ITGB7: variants seen among roughly 807,000 people sequenced by gnomAD.
The protein encoded by ITGB7 is integrin subunit beta 7.
In ITGB7, 55 loss-of-function variants were observed where a neutral mutation model predicts 83.4. The ratio of observed to expected loss-of-function variants is 0.66; its 90% CI spans 0.53 to 0.83. ITGB7 has a LOEUF of 0.83. Ranked by LOEUF, ITGB7 falls within the 40% of genes least tolerant of loss-of-function variation. ITGB7 has a pLI of 0.00. For synonymous variants in ITGB7, 454 were observed against 423.6 expected (o/e 1.07, Z -0.88); for missense variants, 921 against 1,046.7 (o/e 0.88, Z 1.66).
At chr12:53,204,150 C>T (rs1385893529) in intron 1 of ITGB7, among the ~76,000 whole-genome samples, 2 of 151,896 alleles carry the variant, frequency 1.3e-5, no homozygotes, top group Non-Finnish European at 2.9e-5. Flanking sequence ...GAGGCCGAGG[C>T]GGGTGGATCA....
Position 53,200,267 on chromosome 12 carries a change from G to C in ITGB7, c.177C>G (p.Pro59=). 6.2e-7 allele frequency: 1 copy of C among 1,614,052 alleles called. No individual in the cohort carries two copies. The highest frequency in any genetic ancestry group is 1.1e-5 in the South Asian group (1 of 91,086). The change falls in exon 3 of 16, where the codon CCC becomes CCG. Residue 59 remains proline (P), a synonymous_variant. Coordinates refer to ENST00000267082, the MANE Select transcript of ITGB7 (RefSeq NM_000889.3). ...PSCQKCILSH[P]SCAWCKQLNF... ...CCAGTTGCTTGCACCATGCACAGCTGGGGTGTGAGAGGATGCACTTCTGGC... is the reference window on the plus strand; with the variant it reads ...CCAGTTGCTTGCACCATGCACAGCTCGGGTGTGAGAGGATGCACTTCTGGC...
rs930249294 is a variant in ITGB7 at position 53,191,351 on chromosome 12, G to C, written c.*205C>G. 4 of 590,154 alleles carry C rather than the reference G, an allele frequency of 6.8e-6. No individual in the cohort carries two copies. In the African/African-American group the frequency reaches 7.4e-5, roughly 11 times the overall value. The allele number at this position is 590,154 out of a possible 1,614,324, so 36.6% of individuals were successfully genotyped here. A position where few individuals can be genotyped will look rare whatever the true frequency, so the allele number is the denominator to read the frequency against. On this transcript the variant is annotated 3_prime_UTR_variant, in exon 16 of 16. Coordinates refer to ENST00000267082, the MANE Select transcript of ITGB7 (RefSeq NM_000889.3). Reference sequence around the variant, plus strand: ...GAGGTAAGACTTTATTGTATACTTGGGTGGGGTAGCCCAGATGGATGCAAG... The same window carrying C: ...GAGGTAAGACTTTATTGTATACTTGCGTGGGGTAGCCCAGATGGATGCAAG...
intron 5 of ITGB7, 91 bp from the exon 6 acceptor site, chr12:53,196,911 A>T: frequency 6.8e-7 from 1 of 1,469,136 alleles, no homozygotes; most frequent in Non-Finnish European, 9.2e-7. Context: ...TGGGGTGGGG[A>T]GGACGGTGAT....
chr12:53,206,019 C>T (rs1004286759), intron 1 of ITGB7, among the ~76,000 whole-genome samples: 1 of 152,180 alleles, frequency 6.6e-6, no homozygotes, highest in Non-Finnish European at 1.5e-5. Flanking sequence ...ACAAGTGGAG[C>T]CCCGGCTGCC....
chr12:53,206,335 TTTTTA>T (rs1412236969), intron 1 of ITGB7, among the ~76,000 whole-genome samples: 52 of 152,280 alleles, frequency 3.4e-4, no homozygotes, highest in African/African-American at 1.1e-3. Flanking sequence ...CATCCCACTC[TTTTTA>T]CAAATGGAAA....
intron 5 of ITGB7, 43 bp from the exon 6 acceptor site, chr12:53,196,863 G>A: frequency 1.3e-6 from 2 of 1,564,358 alleles, no homozygotes; most frequent in South Asian, 2.4e-5. Flanking sequence ...AAGTCGCAGG[G>A]CAGCAACAGA....
intron 11 of ITGB7, 131 bp downstream of exon 11, chr12:53,193,577 G>T: frequency 1.1e-6 from 1 of 871,892 alleles, no homozygotes. Flanking sequence ...AGCTTCAAGG[G>T]ATGAAACTGA....
Position 53,191,822 on chromosome 12 carries a change from A to G in ITGB7, c.2316+37T>C, listed in dbSNP as rs774732750. The G allele has an allele frequency of 1.9e-6, 3 of 1,612,152 alleles. No homozygotes were observed. In the African/African-American group the frequency reaches 4.0e-5, roughly 22 times the overall value. The stretch of plus-strand genomic sequence containing the variant: ...TCAGGGCTGGTCTTGTGGTGGGGGA[A>G]CAGCTAAAAAGGGGCCTAACCAGGA... On this transcript the variant is annotated intron_variant, in intron 15 of 15. Coordinates refer to ENST00000267082, the MANE Select transcript of ITGB7 (RefSeq NM_000889.3).
At chr12:53,198,369 C>T (rs1942238748) in intron 3 of ITGB7, among the ~76,000 whole-genome samples, 1 of 152,030 alleles carries the variant, frequency 6.6e-6, no homozygotes, top group African/African-American at 2.4e-5. Context: ...TCAAGTGCGC[C>T]CACCTCAGCC....
chr12:53,200,136 A>C (rs1942289081), intron 3 of ITGB7, 107 bp downstream of exon 3: 2 of 988,136 alleles, frequency 2.0e-6, no homozygotes, highest in Non-Finnish European at 3.0e-6. Context: ...GTTCCCAGAA[A>C]ATCATACATG....
intron 1 of ITGB7, among the ~76,000 whole-genome samples, chr12:53,202,782 G>A (rs1325640388): frequency 6.6e-6 from 1 of 152,044 alleles, no homozygotes; most frequent in African/African-American, 2.4e-5. Context: ...CTAACATAGT[G>A]AAACCCCGTC....
At chr12:53,191,734 G>A (rs761820105) in intron 15 of ITGB7, 98 bp from the exon 16 acceptor site, 2 of 1,517,176 alleles carry the variant, frequency 1.3e-6, no homozygotes, top group South Asian at 1.1e-5. Context: ...CCTAGGAGCT[G>A]ATGGAAGTTA....
chr12:53,205,083 C>T (rs1320795148), intron 1 of ITGB7, among the ~76,000 whole-genome samples: 2 of 152,052 alleles, frequency 1.3e-5, no homozygotes, highest in African/African-American at 4.8e-5. Flanking sequence ...CCTCGGCCTC[C>T]CAAAGTGCTG....
intron 1 of ITGB7, 64 bp from the exon 2 acceptor site, chr12:53,201,258 C>G (rs1942316284): frequency 6.6e-6 from 1 of 152,106 alleles, no homozygotes; most frequent in South Asian, 2.1e-4. Context: ...ATCTTGGATT[C>G]TAAATAAGAG....
chr12:53,194,680 A>G (rs1191645658), intron 9 of ITGB7: 2 of 238,518 alleles, frequency 8.4e-6, no homozygotes, highest in African/African-American at 4.4e-5. Flanking sequence ...TGCCAGGTCT[A>G]AAGGGCAGAT....
intron 5 of ITGB7, chr12:53,197,125 A>G: frequency 3.7e-6 from 2 of 544,712 alleles, no homozygotes; most frequent in Non-Finnish European, 6.6e-6. Flanking sequence ...TGAATAGAGG[A>G]GAGTTGGCAC....
At chr12:53,202,929 C>G (rs143031220) in intron 1 of ITGB7, among the ~76,000 whole-genome samples, 19 of 152,220 alleles carry the variant, frequency 1.2e-4, no homozygotes, top group African/African-American at 4.3e-4. Context: ...CAAAGGTTAA[C>G]TGAAAAGAGA....
intron 3 of ITGB7, among the ~76,000 whole-genome samples, chr12:53,199,293 T>G (rs1942265040): frequency 6.6e-6 from 1 of 152,134 alleles, no homozygotes; most frequent in Non-Finnish European, 1.5e-5. Flanking sequence ...CAGCTTTGTT[T>G]GAAGAGCCAG....
In ITGB7 at chr12:53,193,123, C is replaced by T. The variant is rs1039731400; in HGVS notation, c.1726+17G>A. 1.9e-6 allele frequency: 3 copies of T among 1,594,556 alleles called. No homozygotes were observed. In the African/African-American group the frequency reaches 4.0e-5, roughly 21 times the overall value. Reference sequence around the variant, plus strand: ...AGGCCTCTCAGACCCCGCCCTTCTCCCCAAGGCTCCAGGTACCTCCGCAGA... The same window carrying T: ...AGGCCTCTCAGACCCCGCCCTTCTCTCCAAGGCTCCAGGTACCTCCGCAGA... On this transcript the variant is annotated intron_variant, in intron 12 of 15. Coordinates refer to ENST00000267082, the MANE Select transcript of ITGB7 (RefSeq NM_000889.3).
Sources: allele counts gnomAD v4.1 joint callset (sites outside exome capture counted in the v4.1 genomes callset), GRCh38; gene constraint gnomAD v4.1.1; transcripts MANE v1.5; gene names NCBI Gene and HGNC (gene_info 2026-07-23, HGNC 2026-07-21).